The following EXOG variants were observed in gnomAD, a reference collection of about 807,000 sequenced individuals.
EXOG encodes the protein nuclease EXOG, mitochondrial.
A neutral mutation model predicts 25.8 loss-of-function variants in EXOG; 27 were observed. The ratio of observed to expected loss-of-function variants is 1.05; its 90% confidence interval spans 0.77 to 1.45. The LOEUF is 1.45. Ranked by LOEUF, EXOG falls within the 40% of genes most tolerant of loss-of-function variation. The pLI, the probability that EXOG is intolerant of heterozygous loss-of-function variation, is 0.00. For synonymous variants in EXOG, 133 were observed against 167.0 expected, an observed-to-expected ratio of 0.80 and a Z score of 1.57; for missense variants, 458 against 450.5, an observed-to-expected ratio of 1.02 and a Z score of -0.15.
intron 5 of EXOG, among the ~76,000 whole-genome samples, chr3:38,511,238 AC>A (rs1244098339): frequency 2.6e-5 from 4 of 152,146 alleles, no homozygotes; most frequent in Non-Finnish European, 5.9e-5. Flanking sequence ...AATAACTTTT[AC>A]TTAGACATAC....
intron 1 of EXOG, chr3:38,497,189 T>C: frequency 3.0e-6 from 3 of 1,005,260 alleles, no homozygotes; most frequent in East Asian, 1.1e-4. Context: ...CCTTGGGGGG[T>C]TGAGGATTTG....
chr3:38,516,265 T>G (rs1335274384), intron 5 of EXOG, among the ~76,000 whole-genome samples: 1 of 152,180 alleles, frequency 6.6e-6, no homozygotes, highest in East Asian at 1.9e-4. Flanking sequence ...GTGTTCAATT[T>G]GCCTTTTTTA....
intron 2 of EXOG, among the ~76,000 whole-genome samples, chr3:38,500,849 C>T (rs1315326435): frequency 2.0e-5 from 3 of 152,040 alleles, no homozygotes; most frequent in Admixed American, 6.6e-5. Flanking sequence ...TGTCATGGTT[C>T]GAGAGGCAGT....
intron 1 of EXOG, chr3:38,497,398 A>G: frequency 1.6e-6 from 2 of 1,280,794 alleles, no homozygotes; most frequent in Non-Finnish European, 2.0e-6. Context: ...CAGTAGCTGC[A>G]TTTTATTCAC....
intron 4 of EXOG, among the ~76,000 whole-genome samples, chr3:38,504,112 A>G (rs542609614): frequency 1.3e-5 from 2 of 152,272 alleles, no homozygotes; most frequent in African/African-American, 4.8e-5. Context: ...TCATGTCTAT[A>G]GTCTCAGCAC....
chr3:38,508,861 C>T (rs1442434507), intron 5 of EXOG, among the ~76,000 whole-genome samples: 2 of 152,084 alleles, frequency 1.3e-5, no homozygotes, highest in Non-Finnish European at 2.9e-5. Context: ...TTCTCTTTTT[C>T]CACACAAAAT....
At chr3:38,499,633 A>AT (rs752378419) in intron 2 of EXOG, 81 of 452,578 alleles carry the variant, frequency 1.8e-4, no homozygotes, top group Non-Finnish European at 3.2e-4. Flanking sequence ...GTATATCTGT[A>AT]TTTTTTTTAC....
At chr3:38,521,564 T>C (rs2060716808) in intron 5 of EXOG, among the ~76,000 whole-genome samples, 1 of 152,200 alleles carries the variant, frequency 6.6e-6, no homozygotes, top group Non-Finnish European at 1.5e-5. Context: ...TGTACTGCAG[T>C]GATGGGGAAT....
At chr3:38,499,881 C>T in intron 2 of EXOG, 1 of 351,240 alleles carries the variant, frequency 2.8e-6, no homozygotes, top group Non-Finnish European at 5.6e-6. Flanking sequence ...GAGGTAAGCG[C>T]AGTCTTGGCA....
In EXOG at chr3:38,496,471, C is replaced by T. The variant is rs1452204884; in HGVS notation, c.104C>T (p.Ala35Val). Reference protein sequence around the residue: ...VVGAAGAGLAALQFFRSQGAE... With the variant: ...VVGAAGAGLAVLQFFRSQGAE... Reference sequence around the variant, plus strand: ...GGCGCTGCGGGAGCTGGGCTCGCGGCCCTGCAGTTCTTCCGGAGTCAGGGC... The same window carrying T: ...GGCGCTGCGGGAGCTGGGCTCGCGGTCCTGCAGTTCTTCCGGAGTCAGGGC... The change falls in exon 1 of 6, where the codon GCC becomes GTC. Residue 35 changes from alanine (A) to valine (V), a missense_variant. Ala to Val is a moderately conservative substitution (Grantham distance 64, BLOSUM62 0). Around this residue, in one of 3 missense-constraint regions of EXOG, gnomAD observed 275 missense variants for 230.5 expected, o/e 1.19. Coordinates refer to ENST00000287675, the MANE Select transcript of EXOG (RefSeq NM_005107.4). 2 of 1,613,946 alleles carry T rather than the reference C, an allele frequency of 1.2e-6. No homozygotes were observed. The highest frequency in any genetic ancestry group is 2.2e-5 in the East Asian group (1 of 44,874).
chr3:38,515,148 A>G (rs1420904983), intron 5 of EXOG, among the ~76,000 whole-genome samples: 1 of 152,190 alleles, frequency 6.6e-6, no homozygotes, highest in Non-Finnish European at 1.5e-5. Context: ...TCAATGGATG[A>G]TAACCTTTCC....
At position 38,525,389 on chromosome 3, in the gene EXOG, G is replaced by A. The variant is rs2060845234; in HGVS notation, c.*1027G>A. ...TTCCATGGGTATTTGTGGGCCTGAG[G>A]CATGCTTGGCAAGAAGAGTCTGGTT... On this transcript the variant is annotated 3_prime_UTR_variant, in exon 6 of 6. Coordinates refer to ENST00000287675, the MANE Select transcript of EXOG (RefSeq NM_005107.4). 2.0e-6 allele frequency: 2 copies of A among 985,394 alleles called. No individual in the cohort carries two copies. The highest frequency in any genetic ancestry group is 2.4e-6 in the Non-Finnish European group (2 of 829,932). The allele number at this position is 985,394 out of a possible 1,614,324, so 61.0% of individuals were successfully genotyped here.
At chr3:38,510,681 A>G (rs920586029) in intron 5 of EXOG, among the ~76,000 whole-genome samples, 2 of 149,904 alleles carry the variant, frequency 1.3e-5, no homozygotes, top group African/African-American at 2.4e-5. Context: ...TTAAAATTAT[A>G]TATTAAATAT....
chr3:38,504,088 C>A (rs2060127506), intron 4 of EXOG, among the ~76,000 whole-genome samples: 1 of 152,042 alleles, frequency 6.6e-6, no homozygotes, highest in South Asian at 2.1e-4. Flanking sequence ...GAGCTTTAGG[C>A]CAGGGTCAGT....
At chr3:38,510,815 C>G (rs1446556570) in intron 5 of EXOG, among the ~76,000 whole-genome samples, 3 of 152,062 alleles carry the variant, frequency 2.0e-5, no homozygotes, top group Admixed American at 2.0e-4. Context: ...TCTCCTCACC[C>G]TAGTTAGTGT....
intron 5 of EXOG, among the ~76,000 whole-genome samples, chr3:38,522,773 G>A (rs1315367820): frequency 6.6e-6 from 1 of 152,184 alleles, no homozygotes; most frequent in Admixed American, 6.5e-5. Flanking sequence ...CAAAGTGCTG[G>A]GATTACAGGC....
In EXOG at chr3:38,496,520, G is replaced by C; in HGVS notation, c.153G>C (p.Lys51Asn). 6.2e-7 allele frequency: 1 copy of C among 1,611,890 alleles called. No individual in the cohort carries two copies. Among genetic ancestry groups the C allele is most frequent in the Non-Finnish European group, 8.5e-7 (1 of 1,179,736 alleles). ...GCGCTGAGGGAGCGTTGACAGGGAA[G>C]CAGCCGGATGGTAAGTCTGTGGGCC... ...SQGAEGALTG[K>N]QPDGSAEKAV... Residue 51 changes from lysine (K) to asparagine (N), a missense_variant, in exon 1 of 6, where the codon AAG becomes AAC. By Grantham distance (94) the Lys-to-Asn change is moderately conservative. This residue lies in a region of EXOG where 275 missense variants were observed against 230.5 expected (regional missense o/e 1.19). Transcript: ENST00000287675.
At chr3:38,511,579 A>G (rs2060371982) in intron 5 of EXOG, among the ~76,000 whole-genome samples, 1 of 152,226 alleles carries the variant, frequency 6.6e-6, no homozygotes, top group East Asian at 1.9e-4. Context: ...ACAGGGTACT[A>G]GAATTAGTAA....
intron 1 of EXOG, 67 bp from the exon 2 acceptor site, chr3:38,497,562 G>A: frequency 6.6e-7 from 1 of 1,504,236 alleles, no homozygotes; most frequent in South Asian, 1.4e-5. Flanking sequence ...ATTATTAAGA[G>A]CCACTAATTG....
Sources: allele counts gnomAD v4.1 joint callset (sites outside exome capture counted in the v4.1 genomes callset), GRCh38; gene constraint gnomAD v4.1.1; regional missense constraint gnomAD v4.1.1; transcripts MANE v1.5; gene names NCBI Gene and HGNC (gene_info 2026-07-23, HGNC 2026-07-21).